EYS: variants seen among roughly 807,000 people sequenced by gnomAD.
EYS encodes protein eyes shut homolog.
In EYS, 250 loss-of-function variants were observed where a neutral mutation model predicts 282.1. The ratio of observed to expected loss-of-function variants is 0.89; its 90% CI spans 0.80 to 0.98. The LOEUF is 0.98. EYS is among the 50% of genes least tolerant of loss of function. The pLI, the probability that EYS is intolerant of heterozygous loss-of-function variation, is 0.00. For missense variants in EYS, 4,016 were observed against 3,709.0 expected, an observed-to-expected ratio of 1.08 and a Z score of -2.15; for synonymous variants, 1,355 against 1,282.9, an observed-to-expected ratio of 1.06 and a Z score of -1.20.
intron 35 of EYS, among the ~76,000 whole-genome samples, chr6:63,940,859 G>A (rs1765215557): frequency 8.3e-6 from 1 of 120,922 alleles, no homozygotes; most frequent in African/African-American, 3.3e-5. Flanking sequence ...ACAGGCCCCG[G>A]TGTGTGATGT....
At position 65,119,542 on chromosome 6, in the gene EYS, ATTCCCAAGCACTTTTAGGGTCC is replaced by A. The variant is rs796869064; in HGVS notation, c.2024-61837_2024-61816del. On this transcript the variant is annotated intron_variant, in intron 12 of 42. Transcript: ENST00000503581. Reference sequence around the variant, plus strand: ...AGATATACATTCTACTCAATCTAGTATTCCCAAGCACTTTTAGGGTCCTCCACTGGGGTTTGCCACACTCTGG... The same window carrying A: ...AGATATACATTCTACTCAATCTAGTATCCACTGGGGTTTGCCACACTCTGG... 9.7e-4 allele frequency among the ~76,000 whole-genome samples: 148 copies of A among 152,046 alleles called. 1 individual carries two copies. Among genetic ancestry groups the A allele is most frequent in the Middle Eastern group, 3.4e-3 (1 of 294 alleles).
intron 12 of EYS, among the ~76,000 whole-genome samples, chr6:65,274,909 GGAGAGAGA>G (rs3042964): frequency 2.8e-4 from 41 of 148,432 alleles, no homozygotes; most frequent in African/African-American, 9.2e-4. Context: ...CAAAAAAAAA[GGAGAGAGA>G]GAGAGAGAGA....
intron 2 of EYS, among the ~76,000 whole-genome samples, chr6:65,611,447 T>A (rs183293358): frequency 2.5e-4 from 38 of 152,162 alleles, no homozygotes; most frequent in African/African-American, 7.0e-4. Flanking sequence ...TGTTTTCTCA[T>A]GAAATCCTAA....
intron 12 of EYS, among the ~76,000 whole-genome samples, chr6:65,251,996 G>A (rs1464165419): frequency 1.3e-5 from 2 of 151,942 alleles, no homozygotes; most frequent in African/African-American, 2.4e-5. Context: ...TATGAGGGAG[G>A]GGAACTTTCC....
chr6:64,449,399 C>T lies in EYS; in HGVS notation c.5645-10047G>A, dbSNP rs953711405. Among the ~76,000 whole-genome samples the T allele has an allele frequency of 1.1e-4, 17 of 152,066 alleles. 1 individual carries two copies. The highest frequency in any genetic ancestry group is 6.2e-4 in the South Asian group (3 of 4,828). On this transcript the variant is annotated intron_variant, in intron 26 of 42. Coordinates refer to ENST00000503581, the MANE Select transcript of EYS (RefSeq NM_001142800.2). ...GTCTCATTGGTGTACCTGAAAGTGA[C>T]GAGGAGAATGGAACCAAGTTGGAAA...
chr6:63,846,420 GCAGA>G (rs1772099282), intron 36 of EYS, among the ~76,000 whole-genome samples: 1 of 152,118 alleles, frequency 6.6e-6, no homozygotes. Flanking sequence ...AAGACTTGGG[GCAGA>G]CAAAGTCTCA....
chr6:64,914,670 T>C (rs1768107220), intron 15 of EYS, among the ~76,000 whole-genome samples: 1 of 152,190 alleles, frequency 6.6e-6, no homozygotes, highest in East Asian at 1.9e-4. Context: ...TCTAAATCGA[T>C]ATAGTTACCA....
intron 36 of EYS, chr6:63,857,569 T>C: frequency 3.4e-6 from 1 of 296,528 alleles, no homozygotes; most frequent in Non-Finnish European, 6.9e-6. Flanking sequence ...ACTTTAAGTG[T>C]ATGTTTCCTA....
At chr6:64,834,091 G>A (rs1479879595) in intron 19 of EYS, among the ~76,000 whole-genome samples, 1 of 151,822 alleles carries the variant, frequency 6.6e-6, no homozygotes, top group East Asian at 1.9e-4. Flanking sequence ...TCAATCGAAT[G>A]CATTCAAGAG....
At chr6:64,597,099 G>A (rs1486920334) in intron 24 of EYS, among the ~76,000 whole-genome samples, 1 of 152,002 alleles carries the variant, frequency 6.6e-6, no homozygotes, top group Non-Finnish European at 1.5e-5. Flanking sequence ...AAATGGCCAA[G>A]AAACGTATGA....
chr6:65,172,236 A>G (rs777354785), intron 12 of EYS, among the ~76,000 whole-genome samples: 5 of 151,536 alleles, frequency 3.3e-5, no homozygotes, highest in Non-Finnish European at 7.4e-5. Context: ...CATAGAAGGT[A>G]AACTGAGTTA....
At chr6:65,311,720 T>C (rs1416422192) in intron 11 of EYS, among the ~76,000 whole-genome samples, 1 of 152,246 alleles carries the variant, frequency 6.6e-6, no homozygotes. Context: ...CCATGTGACC[T>C]ACTAATACAA....
chr6:64,152,169 C>G (rs1774763694), intron 31 of EYS, among the ~76,000 whole-genome samples: 1 of 152,090 alleles, frequency 6.6e-6, no homozygotes, highest in Non-Finnish European at 1.5e-5. Flanking sequence ...CATTAAAATA[C>G]ATATGCAACT....
At chr6:64,723,574 C>G (rs375089622) in intron 22 of EYS, among the ~76,000 whole-genome samples, 2 of 152,276 alleles carry the variant, frequency 1.3e-5, no homozygotes, top group African/African-American at 4.8e-5. Context: ...TTTGCTGATG[C>G]AAGAACTCTT....
At position 64,485,338 on chromosome 6, in the gene EYS, A is replaced by G. The variant is rs552525541; in HGVS notation, c.5645-45986T>C. 7.9e-5 allele frequency among the ~76,000 whole-genome samples: 12 copies of G among 151,746 alleles called. No individual in the cohort carries two copies. In the South Asian group the frequency reaches 2.5e-3, roughly 31 times the overall value. ...CCATTAGGAGGCCAAAACTTGAAAA[A>G]CAACAGAAGCTTCAGTTTAAGACTG... On this transcript the variant is annotated intron_variant, in intron 26 of 42. Transcript: ENST00000503581.
rs1770533731 is a variant in EYS, at chr6:63,792,154, G to A, written c.7412-2930C>T. 2.6e-5 allele frequency among the ~76,000 whole-genome samples: 4 copies of A among 151,820 alleles called. No homozygotes were observed. In the South Asian group the frequency reaches 8.3e-4, roughly 31 times the overall value. The stretch of plus-strand genomic sequence containing the variant: ...CTGAGTTTAGTTTATAGGTGCTCCT[G>A]CCTACAGACCTGTCCCAGGGCAAAG... On this transcript the variant is annotated intron_variant, in intron 37 of 42. Coordinates refer to ENST00000503581, the MANE Select transcript of EYS (RefSeq NM_001142800.2).
At chr6:64,087,606 T>G (rs1319366620) in intron 31 of EYS, among the ~76,000 whole-genome samples, 1 of 152,114 alleles carries the variant, frequency 6.6e-6, no homozygotes, top group Non-Finnish European at 1.5e-5. Flanking sequence ...TTGCACATGT[T>G]AGGCAAATGC....
rs1012000954 is a variant in EYS, at chr6:64,080,918, C to A, written c.6571+938G>T. Reference sequence around the variant, plus strand: ...TGTGTTCTGTTCCATTGGTCTATATCTCTGTTTTGGTACCAGTACCATGCT... The same window carrying A: ...TGTGTTCTGTTCCATTGGTCTATATATCTGTTTTGGTACCAGTACCATGCT... On this transcript the variant is annotated intron_variant, in intron 32 of 42. Coordinates refer to ENST00000503581, the MANE Select transcript of EYS (RefSeq NM_001142800.2). Among the ~76,000 whole-genome samples the A allele has an allele frequency of 2.6e-5, 4 of 151,986 alleles. No individual in the cohort carries two copies. The East Asian group carries it at 7.7e-4, about 29-fold the overall frequency.
intron 28 of EYS, among the ~76,000 whole-genome samples, chr6:64,432,803 C>A (rs1006363309): frequency 1.3e-5 from 2 of 151,920 alleles, no homozygotes; most frequent in Non-Finnish European, 2.9e-5. Flanking sequence ...TTGCATTTTG[C>A]TTCATGACAT....
Sources: gnomAD v4.1 joint callset for allele counts (sites outside exome capture counted in the v4.1 genomes callset) on GRCh38, gnomAD v4.1.1 for gene constraint, MANE v1.5 for transcripts, NCBI Gene and HGNC (gene_info 2026-07-23, HGNC 2026-07-21) for gene names.